Variants in FAT4 observed in about 807,000 individuals in gnomAD.
The protein encoded by FAT4 is FAT atypical cadherin 4.
A neutral mutation model predicts 303.9 loss-of-function variants in FAT4; 84 were observed. That is an observed-to-expected ratio of 0.28 (90% CI 0.23 to 0.33). The LOEUF (loss-of-function observed/expected upper bound fraction) is 0.33, where lower values mean the gene tolerates loss of function less well. Among genes scored for constraint, FAT4 ranks in the 10% least tolerant of loss-of-function variants. The pLI is 1.00. For synonymous variants in FAT4, 2,307 were observed against 2,298.8 expected, an observed-to-expected ratio of 1.00 and a Z score of -0.10; for missense variants, 6,005 against 6,146.8, an observed-to-expected ratio of 0.98 and a Z score of 0.77.
Position 125,448,632 on chromosome 4 carries a change from A to G in FAT4, c.7622A>G (p.His2541Arg), listed in dbSNP as rs1314547320. The G allele has an allele frequency of 8.7e-6, 14 of 1,613,814 alleles. No individual in the cohort carries two copies. The highest frequency in any genetic ancestry group is 4.0e-5 in the African/African-American group (3 of 74,900). Residue 2541 changes from histidine to arginine, a missense_variant, in exon 10 of 18, where the codon CAT (histidine) becomes CGT (arginine). His to Arg is a conservative substitution (Grantham distance 29, BLOSUM62 0). Transcript: ENST00000394329. ...GCTTCAGAAGTGACATTTTCTGTGC[A>G]TGTAAAAGATGGTGGCTCATTTCCA... Reference protein sequence around the residue: ...NGASEVTFSVHVKDGGSFPKT... With the variant: ...NGASEVTFSVRVKDGGSFPKT...
intron 2 of FAT4, among the ~76,000 whole-genome samples, chr4:125,354,772 G>T (rs1732364598): frequency 6.7e-6 from 1 of 149,904 alleles, no homozygotes; most frequent in Non-Finnish European, 1.5e-5. Flanking sequence ...AAAAAAACTG[G>T]TTAGAACAGT....
chr4:125,485,738 T>G (rs1404363825), intron 16 of FAT4, among the ~76,000 whole-genome samples: 2 of 152,220 alleles, frequency 1.3e-5, no homozygotes, highest in Non-Finnish European at 2.9e-5. Context: ...TAGTCATTTA[T>G]TATCAAATTG....
At chr4:125,380,480 A>T (rs1236435843) in intron 2 of FAT4, among the ~76,000 whole-genome samples, 1 of 152,212 alleles carries the variant, frequency 6.6e-6, no homozygotes, top group African/African-American at 2.4e-5. Flanking sequence ...TAATCCATAC[A>T]ATATTAAAAA....
chr4:125,490,780 G>C lies in FAT4; in HGVS notation c.13964G>C (p.Arg4655Thr), dbSNP rs1371088165. The change falls in exon 18 of 18, where the codon AGG becomes ACG. Residue 4655 changes from arginine (R) to threonine (T), a missense_variant. Coordinates refer to ENST00000394329, the MANE Select transcript of FAT4 (RefSeq NM_001291303.3). ...RSHTPKFSIQ[R>T]HSPLGFARQS... ...CACACACCAAAATTTTCAATCCAGA[G>C]GCACAGTCCCCTAGGCTTTGCAAGG... 6.2e-7 allele frequency: 1 copy of C among 1,613,938 alleles called. No individual in the cohort carries two copies. Among genetic ancestry groups the C allele is most frequent in the Non-Finnish European group, 8.5e-7 (1 of 1,180,030 alleles).
In FAT4 at chr4:125,406,861, G is replaced by A. The variant is rs1369164587; in HGVS notation, c.5308-19G>A. On this transcript the variant is annotated intron_variant, in intron 3 of 17. Coordinates refer to ENST00000394329, the MANE Select transcript of FAT4 (RefSeq NM_001291303.3). ...CTTTTCTACTTCCAATAGCTCAGAT[G>A]CTTGGTCTCTTTTTTTAGGGTGCAA... 6 of 1,610,002 alleles carry A rather than the reference G, an allele frequency of 3.7e-6. No individual in the cohort carries two copies. In the African/African-American group the frequency reaches 5.4e-5, roughly 14 times the overall value.
chr4:125,446,533 T>C lies in FAT4; in HGVS notation c.7440T>C (p.Pro2480=), dbSNP rs758462635. The C allele has an allele frequency of 6.2e-7, 1 of 1,609,576 alleles. No homozygotes were observed. The highest frequency in any genetic ancestry group is 8.5e-7 in the Non-Finnish European group (1 of 1,176,500). Reference sequence around the variant, plus strand: ...CATATGTCACTCACATCCCATCTCCTACTCTTCCAGGTAATCAACCAAATT... The same window carrying C: ...CATATGTCACTCACATCCCATCTCCCACTCTTCCAGGTAATCAACCAAATT... ...HHPYVTHIPS[P]TLPGSFVFAV... Residue 2480 remains proline (P), a synonymous_variant, in exon 9 of 18, where the codon CCT becomes CCC. Transcript: ENST00000394329.
Position 125,476,215 on chromosome 4 carries a change from A to C in FAT4, c.12258A>C (p.Pro4086=), listed in dbSNP as rs1462694264. ...ACTCCTGTTCTGAGAACCAAGAGCC[A>C]GGATATTGTACTGTCAGTAATGTGG... The part of the protein sequence containing the change: ...TVDSCSENQE[P]GYCTVSNVAV... Residue 4086 remains proline, a synonymous_variant, in exon 13 of 18, where the codon CCA becomes CCC. Coordinates refer to ENST00000394329, the MANE Select transcript of FAT4 (RefSeq NM_001291303.3). The C allele has an allele frequency of 6.2e-7, 1 of 1,603,822 alleles. No individual in the cohort carries two copies. The highest frequency in any genetic ancestry group is 1.7e-5 in the Admixed American group (1 of 59,766).
Position 125,416,603 on chromosome 4 carries a change from G to A in FAT4, c.6999G>A (p.Met2333Ile). Residue 2333 changes from methionine to isoleucine, a missense_variant, in exon 7 of 18, where the codon ATG becomes ATA. By Grantham distance (10) the Met-to-Ile change is conservative. Transcript: ENST00000394329. ...AAACAAAAGAGCGCTTTGTCTTAAT[G>A]ATTACAGCTACAGATTCAGGTAAGT... Reference protein sequence around the residue: ...DRETKERFVLMITATDSGSPA... With the variant: ...DRETKERFVLIITATDSGSPA... The A allele has an allele frequency of 3.1e-6, 5 of 1,613,742 alleles. No individual in the cohort carries two copies. The highest frequency in any genetic ancestry group is 4.2e-6 in the Non-Finnish European group (5 of 1,179,790).
At chr4:125,369,344 A>C (rs1733015013) in intron 2 of FAT4, among the ~76,000 whole-genome samples, 2 of 152,178 alleles carry the variant, frequency 1.3e-5, no homozygotes, top group Admixed American at 6.5e-5. Context: ...AGGCAGGAGA[A>C]TCACTTTAAC....
chr4:125,322,923 A>T (rs1021899045), intron 2 of FAT4, among the ~76,000 whole-genome samples: 1 of 151,982 alleles, frequency 6.6e-6, no homozygotes, highest in Admixed American at 6.6e-5. Flanking sequence ...CTTTTACCTA[A>T]TTATTTAAAA....
In FAT4 at chr4:125,318,754, C is replaced by T. The variant is rs373586010; in HGVS notation, c.2343C>T (p.Ile781=). The T allele has an allele frequency of 9.9e-6, 16 of 1,613,938 alleles. No homozygotes were observed. Among genetic ancestry groups the T allele is most frequent in the African/African-American group, 1.3e-5 (1 of 74,908 alleles). ...LQSPNQAIVT[I]TVLDTQDNPP... is the part of the protein sequence containing the mutation. Reference sequence around the variant, plus strand: ...CTCCCAACCAGGCAATAGTAACCATCACTGTATTGGACACTCAAGACAACC... The same window carrying T: ...CTCCCAACCAGGCAATAGTAACCATTACTGTATTGGACACTCAAGACAACC... Residue 781 remains isoleucine, a synonymous_variant, in exon 2 of 18, where the codon ATC becomes ATT. Transcript: ENST00000394329.
chr4:125,425,052 A>G (rs1725042627), intron 7 of FAT4, among the ~76,000 whole-genome samples: 1 of 152,216 alleles, frequency 6.6e-6, no homozygotes. Context: ...TTAAATATAA[A>G]AGTTTAGTTC....
chr4:125,329,648 A>G (rs566909351), intron 2 of FAT4, among the ~76,000 whole-genome samples: 39 of 152,296 alleles, frequency 2.6e-4, no homozygotes, highest in African/African-American at 8.4e-4. Flanking sequence ...CCTCCAGCCC[A>G]TATGTCTTTT....
chr4:125,485,578 C>T (rs1256514909), intron 16 of FAT4, among the ~76,000 whole-genome samples: 1 of 152,124 alleles, frequency 6.6e-6, no homozygotes, highest in African/African-American at 2.4e-5. Context: ...ATGGAACTGT[C>T]ATCTCCTATG....
chr4:125,372,799 A>C (rs1350911857), intron 2 of FAT4, among the ~76,000 whole-genome samples: 3 of 152,198 alleles, frequency 2.0e-5, no homozygotes, highest in East Asian at 3.8e-4. Context: ...GAAAGAAAAT[A>C]TGATATTCAT....
chr4:125,459,767 G>C (rs1175024751), intron 10 of FAT4, among the ~76,000 whole-genome samples: 2 of 152,068 alleles, frequency 1.3e-5, no homozygotes, highest in African/African-American at 4.8e-5. Context: ...CATTAATTAA[G>C]TTAATGATCC....
At chr4:125,338,756 A>G (rs1350703557) in intron 2 of FAT4, among the ~76,000 whole-genome samples, 1 of 152,166 alleles carries the variant, frequency 6.6e-6, no homozygotes, top group African/African-American at 2.4e-5. Flanking sequence ...TTTGCATTTC[A>G]TAAGGCTTTG....
intron 9 of FAT4, among the ~76,000 whole-genome samples, 166 bp from the exon 10 acceptor site, chr4:125,448,295 G>T (rs184804383): frequency 7.4e-4 from 112 of 152,206 alleles, no homozygotes; most frequent in South Asian, 4.8e-3. Context: ...GAGCAGATTT[G>T]ACTTGTGAAC....
chr4:125,473,886 G>A (rs902187655), intron 12 of FAT4, among the ~76,000 whole-genome samples: 2 of 151,984 alleles, frequency 1.3e-5, no homozygotes, highest in African/African-American at 4.8e-5. Flanking sequence ...TAGGAAAAAT[G>A]TCTTCCTGTT....
Sources: allele counts gnomAD v4.1 joint callset (sites outside exome capture counted in the v4.1 genomes callset), GRCh38; gene constraint gnomAD v4.1.1; transcripts MANE v1.5; gene names NCBI Gene and HGNC (gene_info 2026-07-23, HGNC 2026-07-21).